The following FAT2 variants were observed in gnomAD, a reference collection of about 807,000 sequenced individuals.
FAT2 encodes protocadherin Fat 2.
FAT2 carries 150 observed loss-of-function variants against 295.3 expected under a neutral mutation model. The ratio of observed to expected loss-of-function variants is 0.51; its 90% CI spans 0.44 to 0.58. FAT2 has a LOEUF of 0.58. Ranked by LOEUF, FAT2 falls within the 20% of genes least tolerant of loss-of-function variation. FAT2 has a pLI of 0.00. For missense variants in FAT2, 4,868 were observed against 5,442.7 expected, an observed-to-expected ratio of 0.89 and a Z score of 3.32; for synonymous variants, 2,026 against 2,150.3, an observed-to-expected ratio of 0.94 and a Z score of 1.60.
chr5:151,589,466 T>C (rs954326203), intron 1 of FAT2, among the ~76,000 whole-genome samples: 2 of 152,236 alleles, frequency 1.3e-5, no homozygotes, highest in African/African-American at 4.8e-5. Flanking sequence ...AAGTCTAACA[T>C]GTACTCTATC....
rs746940049 is a variant in FAT2 at position 151,563,609 on chromosome 5, C to T, written c.3290G>A (p.Arg1097Gln). Reference protein sequence around the residue: ...GMIQTLAPLDREFASYYWLTV... With the variant: ...GMIQTLAPLDQEFASYYWLTV... ...CAACCAGTAGTAAGATGCAAATTCT[C>T]GGTCCAGGGGTGCCAGAGTCTGAAT... Residue 1097 changes from arginine (R) to glutamine (Q), a missense_variant, in exon 3 of 24, where the codon CGA becomes CAA. Physicochemically the swap from Arg to Gln is conservative, Grantham distance 43. Coordinates refer to ENST00000261800, the MANE Select transcript of FAT2 (RefSeq NM_001447.3). 1.4e-5 allele frequency: 23 copies of T among 1,614,012 alleles called. No individual in the cohort carries two copies. The highest frequency in any genetic ancestry group is 1.0e-4 in the Admixed American group (6 of 59,994).
At position 151,566,872 on chromosome 5, in the gene FAT2, A is replaced by G. The variant is rs752995096; in HGVS notation, c.2060T>C (p.Ile687Thr). 1.9e-5 allele frequency: 30 copies of G among 1,614,060 alleles called. No homozygotes were observed. The highest frequency in any genetic ancestry group is 4.5e-5 in the East Asian group (2 of 44,894). Reference sequence around the variant, plus strand: ...ACTGGACTCCTGGTTCTGAAGCCCAATAAAGTGGAGGATAGTCTTTGTGAA... The same window carrying G: ...ACTGGACTCCTGGTTCTGAAGCCCAGTAAAGTGGAGGATAGTCTTTGTGAA... Reference protein sequence around the residue: ...TQFTKTILHFIGLQNQESSDE... With the variant: ...TQFTKTILHFTGLQNQESSDE... Residue 687 changes from isoleucine to threonine, a missense_variant, in exon 2 of 24, where the codon ATT becomes ACT. Around this residue, in one of 5 missense-constraint regions of FAT2, gnomAD observed 3,297 missense variants for 3,669.4 expected, o/e 0.90. Coordinates refer to ENST00000261800, the MANE Select transcript of FAT2 (RefSeq NM_001447.3).
At chr5:151,527,505 C>T (rs1249345719) in intron 16 of FAT2, 128 bp from the exon 17 acceptor site, 1 of 827,640 alleles carries the variant, frequency 1.2e-6, no homozygotes, top group Non-Finnish European at 1.8e-6. Context: ...CCCCACTGCC[C>T]ACCCGTAGCA....
Position 151,512,416 on chromosome 5 carries a change from A to G in FAT2, c.11654T>C (p.Leu3885Pro). ...CAGCAAGAGGTGCCTTTCGGGCCTC[A>G]GACCACGGCAGTTCTCTGGGACCAC... ...SLVVPENCRG[L>P]RPERHLLLGG... The change falls in exon 21 of 24, where the codon CTG becomes CCG. Residue 3885 changes from leucine (L) to proline (P), a missense_variant. Transcript: ENST00000261800. The surrounding 1 kb of genome is among the most constrained non-coding windows in gnomAD (Gnocchi z 4.1). 1 of 1,614,274 alleles carries G rather than the reference A, an allele frequency of 6.2e-7. No individual in the cohort carries two copies. Among genetic ancestry groups the G allele is most frequent in the Non-Finnish European group, 8.5e-7 (1 of 1,180,046 alleles).
At chr5:151,579,275 A>G (rs1758854651) in intron 1 of FAT2, among the ~76,000 whole-genome samples, 2 of 152,228 alleles carry the variant, frequency 1.3e-5, no homozygotes, top group Non-Finnish European at 2.9e-5. Flanking sequence ...CATCACAAAA[A>G]AATAAGCATG....
intron 19 of FAT2, among the ~76,000 whole-genome samples, chr5:151,518,348 CTAATAATAATAA>C (rs3056491): frequency 2.0e-5 from 2 of 101,440 alleles, no homozygotes; most frequent in Non-Finnish European, 4.6e-5. Context: ...GACCATGTCT[CTAATAATAATAA>C]TAATAATAAT....
In FAT2 at chr5:151,537,881, G is replaced by A. The variant is rs755553134; in HGVS notation, c.9105C>T (p.Ala3035=). 2 of 1,614,128 alleles carry A rather than the reference G, an allele frequency of 1.2e-6. No homozygotes were observed. Among genetic ancestry groups the A allele is most frequent in the Non-Finnish European group, 1.7e-6 (2 of 1,179,996 alleles). The part of the protein sequence containing the change: ...FPGHFILKVS[A]TDLDTDTNAQ... ...CATTGGTATCAGTGTCCAAGTCTGT[G>A]GCAGAAACCTTCAAAATGAAGTGTC... Residue 3035 remains alanine, a synonymous_variant, in exon 12 of 24, where the codon GCC becomes GCT. Coordinates refer to ENST00000261800, the MANE Select transcript of FAT2 (RefSeq NM_001447.3).
chr5:151,512,153 C>A lies in FAT2; in HGVS notation c.11905+12G>T. On this transcript the variant is annotated intron_variant, in intron 21 of 23. Coordinates refer to ENST00000261800, the MANE Select transcript of FAT2 (RefSeq NM_001447.3). The surrounding 1 kb of genome is among the most constrained non-coding windows in gnomAD (Gnocchi z 4.1). ...ATAAACCCTGGGTTCAGCCTGGCAC[C>A]CCAGCCCTCACCTGCCCCATGGGTC... The A allele has an allele frequency of 1.2e-6, 2 of 1,607,260 alleles. No individual in the cohort carries two copies. The highest frequency in any genetic ancestry group is 2.2e-5 in the South Asian group (2 of 90,808).
intron 1 of FAT2, among the ~76,000 whole-genome samples, chr5:151,589,433 T>C (rs1329978541): frequency 6.6e-6 from 1 of 152,208 alleles, no homozygotes. Context: ...GCTGACATCA[T>C]GGATTCAGTA....
chr5:151,553,255 C>G lies in FAT2; in HGVS notation c.4078G>C (p.Glu1360Gln), dbSNP rs2127627206. The change falls in exon 6 of 24, where the codon GAG becomes CAG. Residue 1360 changes from glutamate (E) to glutamine (Q), a missense_variant. Physicochemically the swap from Glu to Gln is conservative, Grantham distance 29. Around this residue, in one of 5 missense-constraint regions of FAT2, gnomAD observed 3,297 missense variants for 3,669.4 expected, o/e 0.90. Transcript: ENST00000261800. Reference sequence around the variant, plus strand: ...ACCATGTGGTTCACAGGGTCCGTCTCCATGACCGTAAAGCTGTAGTAGGTC... The same window carrying G: ...ACCATGTGGTTCACAGGGTCCGTCTGCATGACCGTAAAGCTGTAGTAGGTC... ...DETYYSFTVM[E>Q]TDPVNHMVGV... 1.2e-6 allele frequency: 2 copies of G among 1,614,250 alleles called. No homozygotes were observed. Among genetic ancestry groups the G allele is most frequent in the Non-Finnish European group, 1.7e-6 (2 of 1,180,050 alleles).
At position 151,511,777 on chromosome 5, in the gene FAT2, C is replaced by G. The variant is rs557748904; in HGVS notation, c.11905+388G>C. 22 of 190,380 alleles carry G rather than the reference C, an allele frequency of 1.2e-4. No individual in the cohort carries two copies. The South Asian group carries it at 1.2e-3, about 10-fold the overall frequency. 11.8% of individuals were successfully genotyped at this position (190,380 alleles called of 1,614,324 possible). ...AAACAACATGTATTTTGCAAGAACT[C>G]ATTCAAAAACTGTAAATGTTTGCCT... On this transcript the variant is annotated intron_variant, in intron 21 of 23. Coordinates refer to ENST00000261800, the MANE Select transcript of FAT2 (RefSeq NM_001447.3).
At position 151,543,379 on chromosome 5, in the gene FAT2, G is replaced by A; in HGVS notation, c.7748C>T (p.Pro2583Leu). 6.2e-7 allele frequency: 1 copy of A among 1,614,114 alleles called. No homozygotes were observed. Among genetic ancestry groups the A allele is most frequent in the African/African-American group, 1.3e-5 (1 of 75,010 alleles). ...TGTGTACTCAGATGCTTTGAACTGT[G>A]GGGGGTTGTCATTTTCATCTGTGAG... is the stretch of plus-strand genomic sequence containing the variant. The part of the protein sequence containing the change: ...IILTDENDNP[P>L]QFKASEYTVS... Residue 2583 changes from proline to leucine, a missense_variant, in exon 10 of 24, where the codon CCA becomes CTA. Around this residue, in one of 5 missense-constraint regions of FAT2, gnomAD observed 3,297 missense variants for 3,669.4 expected, o/e 0.90. Coordinates refer to ENST00000261800, the MANE Select transcript of FAT2 (RefSeq NM_001447.3).
chr5:151,512,070 C>T lies in FAT2; in HGVS notation c.11905+95G>A. ...AGGGGAAGAGAGAGAAATTTGGAAC[C>T]AGGAGGCTCTGAGATCTCCACCCTG... On this transcript the variant is annotated intron_variant, in intron 21 of 23. Coordinates refer to ENST00000261800, the MANE Select transcript of FAT2 (RefSeq NM_001447.3). The surrounding 1 kb of genome is among the most constrained non-coding windows in gnomAD (Gnocchi z 4.1). 1 of 1,203,154 alleles carries T rather than the reference C, an allele frequency of 8.3e-7. No homozygotes were observed. The highest frequency in any genetic ancestry group is 2.5e-5 in the Admixed American group (1 of 39,792). 74.5% of individuals were successfully genotyped at this position (1,203,154 alleles called of 1,614,324 possible).
At chr5:151,585,975 G>T (rs1191422506) in intron 1 of FAT2, among the ~76,000 whole-genome samples, 1 of 152,200 alleles carries the variant, frequency 6.6e-6, no homozygotes, top group Non-Finnish European at 1.5e-5. Context: ...GAGATGGAAA[G>T]TGTTAAGGCC....
In FAT2 at chr5:151,504,572, C is replaced by T. The variant is rs989679506; in HGVS notation, c.*993G>A. On this transcript the variant is annotated 3_prime_UTR_variant, in exon 24 of 24. Transcript: ENST00000261800. The stretch of plus-strand genomic sequence containing the variant: ...AGGTGTCCAGCCTGGACACTGCGGT[C>T]CAGCTCCCTGCTTCCAACCGGCCCT... 1.3e-5 allele frequency: 2 copies of T among 152,698 alleles called. No individual in the cohort carries two copies. Among genetic ancestry groups the T allele is most frequent in the East Asian group, 3.8e-4 (2 of 5,200 alleles). The allele number at this position is 152,698 out of a possible 1,614,324, so 9.5% of individuals were successfully genotyped here.
In FAT2 at chr5:151,566,616, G is replaced by T; in HGVS notation, c.2316C>A (p.Leu772=). 6.2e-7 allele frequency: 1 copy of T among 1,614,210 alleles called. No homozygotes were observed. The highest frequency in any genetic ancestry group is 8.5e-7 in the Non-Finnish European group (1 of 1,180,036). Residue 772 remains leucine, a synonymous_variant, in exon 2 of 24, where the codon CTC becomes CTA. Coordinates refer to ENST00000261800, the MANE Select transcript of FAT2 (RefSeq NM_001447.3). ...CFDIELETGL[L]TVAAPLDYEA... is the part of the protein sequence containing the mutation. The stretch of plus-strand genomic sequence containing the variant: ...CATAGTCCAAGGGAGCAGCTACAGT[G>T]AGCAGCCCTGTCTCCAGCTCTATGT...
chr5:151,575,341 A>G (rs1758702043), intron 1 of FAT2, among the ~76,000 whole-genome samples: 1 of 152,236 alleles, frequency 6.6e-6, no homozygotes, highest in South Asian at 2.1e-4. Context: ...GTCTTTGGGT[A>G]GAGTATGCAG....
At chr5:151,536,106 C>T (rs1482831388) in intron 12 of FAT2, among the ~76,000 whole-genome samples, 1 of 152,020 alleles carries the variant, frequency 6.6e-6, no homozygotes, top group African/African-American at 2.4e-5. Context: ...GAATATATAC[C>T]AAGAGTCCTT....
rs1760761676 is a variant in FAT2, at chr5:151,505,437, C to CA, written c.*127dup. 17 of 1,150,012 alleles carry CA rather than the reference C, an allele frequency of 1.5e-5. No individual in the cohort carries two copies. Among genetic ancestry groups the CA allele is most frequent in the Non-Finnish European group, 2.0e-5 (16 of 806,338 alleles). 71.2% of individuals were successfully genotyped at this position (1,150,012 alleles called of 1,614,324 possible). A position where few individuals can be genotyped will look rare whatever the true frequency, so the allele number is the denominator to read the frequency against. Reference sequence around the variant, plus strand: ...GATTGGAAGAGCACATTTCAAGGGACAACAGCCTGGGCTGAGGGCTTCCCT... The same window carrying CA: ...GATTGGAAGAGCACATTTCAAGGGACAAACAGCCTGGGCTGAGGGCTTCCCT... On this transcript the variant is annotated 3_prime_UTR_variant, in exon 24 of 24. Transcript: ENST00000261800.
Sources: allele counts gnomAD v4.1 joint callset (sites outside exome capture counted in the v4.1 genomes callset), GRCh38; gene constraint gnomAD v4.1.1; regional missense constraint gnomAD v4.1.1; non-coding constraint Gnocchi (gnomAD v3.1); transcripts MANE v1.5; gene names NCBI Gene and HGNC (gene_info 2026-07-23, HGNC 2026-07-21).